The following ADGRV1 variants were observed in gnomAD, a reference collection of about 807,000 sequenced individuals.
ADGRV1 encodes the protein G-protein coupled receptor 98.
Under a neutral mutation model 596.2 loss-of-function variants are expected in ADGRV1, and 359 were observed. The observed-to-expected ratio is 0.60, with a 90% CI of 0.55 to 0.66. The LOEUF (loss-of-function observed/expected upper bound fraction) is 0.66. Ranked by LOEUF, ADGRV1 falls within the 30% of genes least tolerant of loss-of-function variation. The pLI is 0.00. For missense variants in ADGRV1, 7,274 were observed against 7,575.6 expected, an observed-to-expected ratio of 0.96 and a Z score of 1.48; for synonymous variants, 2,681 against 2,679.2, an observed-to-expected ratio of 1.00 and a Z score of -0.02.
intron 87 of ADGRV1, among the ~76,000 whole-genome samples, chr5:91,103,511 G>C (rs557850658): frequency 5.3e-5 from 8 of 151,340 alleles, no homozygotes; most frequent in Non-Finnish European, 1.0e-4. Context: ...GCTCAGTCTT[G>C]GTCACCTTTA....
At chr5:91,055,831 G>A (rs1786794332) in intron 85 of ADGRV1, among the ~76,000 whole-genome samples, 1 of 152,182 alleles carries the variant, frequency 6.6e-6, no homozygotes, top group South Asian at 2.1e-4. Context: ...TGGTGCAAAA[G>A]TATGAATTTT....
intron 87 of ADGRV1, among the ~76,000 whole-genome samples, chr5:91,111,491 G>C (rs979393511): frequency 1.3e-5 from 2 of 152,086 alleles, no homozygotes; most frequent in African/African-American, 4.8e-5. Flanking sequence ...TATCCAGAAG[G>C]GTTCAGTGCA....
intron 87 of ADGRV1, among the ~76,000 whole-genome samples, chr5:91,136,699 C>T (rs1383975417): frequency 1.3e-5 from 2 of 152,034 alleles, no homozygotes; most frequent in Non-Finnish European, 2.9e-5. Context: ...TCCTATTTCC[C>T]AGATTTAAAA....
At chr5:91,054,055 A>C (rs539198192) in intron 85 of ADGRV1, among the ~76,000 whole-genome samples, 1 of 146,476 alleles carries the variant, frequency 6.8e-6, no homozygotes, top group Non-Finnish European at 1.5e-5. Flanking sequence ...CTTCATTTCA[A>C]CTACTCTGTG....
chr5:91,096,831 T>A (rs1250716477), intron 86 of ADGRV1, among the ~76,000 whole-genome samples: 1 of 152,212 alleles, frequency 6.6e-6, no homozygotes, highest in Non-Finnish European at 1.5e-5. Flanking sequence ...AACTTTTTCA[T>A]CACTCCAAAC....
chr5:90,819,627 G>A (rs1459244644), intron 75 of ADGRV1, among the ~76,000 whole-genome samples: 27 of 150,762 alleles, frequency 1.8e-4, no homozygotes, highest in Admixed American at 7.3e-4. Context: ...CTTTGTTCTC[G>A]TTGGTTTCAA....
rs755917152 is a variant in ADGRV1, at chr5:90,810,288, A to G, written c.15028A>G (p.Ser5010Gly). The change falls in exon 74 of 90, where the codon AGC (serine) becomes GGC (glycine). Residue 5010 changes from serine (S) to glycine (G), a missense_variant. By Grantham distance (56) the Ser-to-Gly change is moderately conservative. This residue lies in a region of ADGRV1 where 1,874 missense variants were observed against 1,970.2 expected (regional missense o/e 0.95). Coordinates refer to ENST00000405460, the MANE Select transcript of ADGRV1 (RefSeq NM_032119.4). ...AATGGGCGTCTTCCAATTTTCCACT[A>G]GCTCAAGAAATATCATAGTGTCAGA... ...EPMGVFQFST[S>G]SRNIIVSEDT... 2 of 1,600,816 alleles carry G rather than the reference A, an allele frequency of 1.2e-6. No individual in the cohort carries two copies. Among genetic ancestry groups the G allele is most frequent in the Non-Finnish European group, 1.7e-6 (2 of 1,172,980 alleles).
chr5:90,718,998 TA>T (rs990428133), intron 43 of ADGRV1, among the ~76,000 whole-genome samples: 1 of 152,170 alleles, frequency 6.6e-6, no homozygotes, highest in African/African-American at 2.4e-5. Flanking sequence ...TTAGTGACTG[TA>T]AAGATATATA....
At chr5:90,699,369 G>A (rs1185370842) in intron 34 of ADGRV1, among the ~76,000 whole-genome samples, 5 of 152,128 alleles carry the variant, frequency 3.3e-5, no homozygotes, top group African/African-American at 1.2e-4. Context: ...GAGAGGAGAA[G>A]CATTGGATAG....
In ADGRV1 at chr5:90,734,130, C is replaced by T. The variant is rs113676267; in HGVS notation, c.10549+4366C>T. Among the ~76,000 whole-genome samples the T allele has an allele frequency of 2.2e-3, 338 of 152,184 alleles. 1 individual carries two copies. Among genetic ancestry groups the T allele is most frequent in the African/African-American group, 7.3e-3 (305 of 41,510 alleles). On this transcript the variant is annotated intron_variant, in intron 50 of 89. Transcript: ENST00000405460. ...TTTTTGAAGCAGAATAGTATTCCAT[C>T]GCGTATATATACCACATTTTCTTTA... is the stretch of plus-strand genomic sequence containing the variant.
intron 84 of ADGRV1, among the ~76,000 whole-genome samples, chr5:90,974,860 T>A (rs889348100): frequency 3.3e-5 from 5 of 152,080 alleles, no homozygotes; most frequent in African/African-American, 1.2e-4. Flanking sequence ...GGGATCTAAT[T>A]AAACTAAAGA....
At position 90,757,178 on chromosome 5, in the gene ADGRV1, C is replaced by T. The variant is rs1755920972; in HGVS notation, c.11940+17C>T. The T allele has an allele frequency of 6.2e-7, 1 of 1,609,112 alleles. No individual in the cohort carries two copies. The highest frequency in any genetic ancestry group is 1.3e-5 in the African/African-American group (1 of 74,856). ...GATAAACAGGTATGCCAGTCATTAACATATTAGCCTTTTTGAGTTGTGCTT... is the reference window on the plus strand; with the variant it reads ...GATAAACAGGTATGCCAGTCATTAATATATTAGCCTTTTTGAGTTGTGCTT... On this transcript the variant is annotated intron_variant, in intron 57 of 89. Transcript: ENST00000405460.
intron 87 of ADGRV1, among the ~76,000 whole-genome samples, chr5:91,120,482 AAG>A (rs1793215191): frequency 6.6e-6 from 1 of 152,228 alleles, no homozygotes; most frequent in Non-Finnish European, 1.5e-5. Flanking sequence ...GATCAGGAAA[AAG>A]AAATTTTTCC....
At chr5:90,707,746 A>G (rs1748789567) in intron 38 of ADGRV1, among the ~76,000 whole-genome samples, 1 of 152,078 alleles carries the variant, frequency 6.6e-6, no homozygotes, top group African/African-American at 2.4e-5. Flanking sequence ...TTCTCTGAGG[A>G]GTCTAGATTT....
chr5:90,608,121 C>A (rs1236894393), intron 1 of ADGRV1, among the ~76,000 whole-genome samples: 1 of 151,306 alleles, frequency 6.6e-6, no homozygotes, highest in African/African-American at 2.4e-5. Context: ...GGAAGCAGAG[C>A]AAAAATCAAA....
At chr5:90,650,453 T>A (rs1029514433) in intron 17 of ADGRV1, among the ~76,000 whole-genome samples, 2 of 152,252 alleles carry the variant, frequency 1.3e-5, no homozygotes, top group African/African-American at 4.8e-5. Flanking sequence ...TTGTGTCTTT[T>A]TTCCATTGAA....
At chr5:90,861,915 A>G (rs1293947950) in intron 82 of ADGRV1, among the ~76,000 whole-genome samples, 1 of 152,126 alleles carries the variant, frequency 6.6e-6, no homozygotes, top group African/African-American at 2.4e-5. Context: ...TTGAGGTTTT[A>G]TCAATATTAT....
intron 86 of ADGRV1, among the ~76,000 whole-genome samples, chr5:91,090,504 C>A (rs1340211514): frequency 6.6e-6 from 1 of 151,972 alleles, no homozygotes; most frequent in African/African-American, 2.4e-5. Context: ...CAGCTCTTGA[C>A]AAAGTACTGC....
chr5:90,732,719 TG>T (rs1393592238), intron 50 of ADGRV1, among the ~76,000 whole-genome samples: 4 of 152,364 alleles, frequency 2.6e-5, no homozygotes, highest in Admixed American at 1.3e-4. Flanking sequence ...TGTCTGAGTC[TG>T]GGTTCTCATG....
Sources: gnomAD v4.1 joint callset for allele counts (sites outside exome capture counted in the v4.1 genomes callset) on GRCh38, gnomAD v4.1.1 for gene constraint, gnomAD v4.1.1 regional missense constraint, MANE v1.5 for transcripts, NCBI Gene and HGNC (gene_info 2026-07-23, HGNC 2026-07-21) for gene names.